TOP1MT: variants seen among roughly 807,000 people sequenced by gnomAD.
TOP1MT encodes the protein DNA topoisomerase I, mitochondrial.
Under a neutral mutation model 73.9 loss-of-function variants are expected in TOP1MT, and 80 were observed. The observed-to-expected ratio is 1.08, with a 90% CI of 0.90 to 1.30. TOP1MT has a LOEUF of 1.30. TOP1MT is among the 50% of genes most tolerant of loss of function. The probability of loss-of-function intolerance (pLI) is 0.00; values close to 1 mark genes in which losing one functional copy is unlikely to be tolerated. For synonymous variants in TOP1MT, 338 were observed against 326.4 expected (o/e 1.04, Z -0.38); for missense variants, 815 against 808.0 (o/e 1.01, Z -0.10).
intron 1 of TOP1MT, among the ~76,000 whole-genome samples, chr8:143,350,526 T>C (rs1817303047): frequency 6.6e-6 from 1 of 152,184 alleles, no homozygotes; most frequent in Non-Finnish European, 1.5e-5. Context: ...GAGACGGGGT[T>C]TCGCCATGTT....
At chr8:143,320,948 G>A (rs998721114) in intron 8 of TOP1MT, among the ~76,000 whole-genome samples, 3 of 152,188 alleles carry the variant, frequency 2.0e-5, no homozygotes, top group African/African-American at 7.2e-5. Flanking sequence ...CGGCCGGGGG[G>A]CAGGAGACGA....
chr8:143,321,226 T>A lies in TOP1MT; in HGVS notation c.1121A>T (p.Tyr374Phe), dbSNP rs1295861800. Residue 374 changes from tyrosine to phenylalanine, a missense_variant, in exon 8 of 14, where the codon TAC (tyrosine) becomes TTC (phenylalanine). Tyr to Phe is a conservative substitution (Grantham distance 22). Transcript: ENST00000329245. ...CGGCTTCTCCACCGGCACTCTGTTG[T>A]AGTAGCGGATGCAGTCCTTCCCCAG... ...DFLGKDCIRY[Y>F]NRVPVEKPVY... 1 of 1,609,154 alleles carries A rather than the reference T, an allele frequency of 6.2e-7. No homozygotes were observed. The highest frequency in any genetic ancestry group is 1.7e-5 in the Admixed American group (1 of 59,696).
chr8:143,326,934 C>A (rs929525861), intron 3 of TOP1MT, among the ~76,000 whole-genome samples: 13 of 152,182 alleles, frequency 8.5e-5, no homozygotes, highest in South Asian at 4.1e-4. Flanking sequence ...GGCCCAGTCC[C>A]TGCTTCTGAG....
upstream of TOP1MT, among the ~76,000 whole-genome samples, chr8:143,336,406 A>T (rs1259580250): frequency 6.6e-6 from 1 of 152,206 alleles, no homozygotes; most frequent in Non-Finnish European, 1.5e-5. Flanking sequence ...ACAGAATGGA[A>T]AACCCACTCA....
upstream of TOP1MT, among the ~76,000 whole-genome samples, chr8:143,347,346 A>G (rs554649886): frequency 7.0e-3 from 1,062 of 152,238 alleles, 10 homozygotes; most frequent in African/African-American, 0.021. Flanking sequence ...TAGTAGAGAC[A>G]GGGTTTCACC....
Position 143,324,480 on chromosome 8 carries a change from C to T in TOP1MT, c.816+5G>A, listed in dbSNP as rs200153277. The T allele has an allele frequency of 6.2e-7, 1 of 1,613,922 alleles. No homozygotes were observed. The highest frequency in any genetic ancestry group is 2.2e-5 in the East Asian group (1 of 44,884). On this transcript the variant is annotated splice_donor_5th_base_variant and intron_variant, in intron 6 of 13. Coordinates refer to ENST00000329245, the MANE Select transcript of TOP1MT (RefSeq NM_052963.3). ...AGGAAACACCCTGCCAAGCCCTGCG[C>T]TCACCTTCAGCTTCGAGCAAGGGTT...
chr8:143,324,348 G>C (rs1052158668), intron 6 of TOP1MT, 137 bp downstream of exon 6: 2 of 1,402,208 alleles, frequency 1.4e-6, no homozygotes, highest in Admixed American at 4.4e-5. Flanking sequence ...TGCTGGCACA[G>C]CATGACCTCA....
At chr8:143,329,979 G>A (rs552321382) in intron 2 of TOP1MT, among the ~76,000 whole-genome samples, 105 of 152,308 alleles carry the variant, frequency 6.9e-4, no homozygotes, top group Non-Finnish European at 1.3e-3. Context: ...AGAGTGAGAG[G>A]CTCGTGGTGG....
At chr8:143,330,466 C>T (rs1050083369) in intron 2 of TOP1MT, among the ~76,000 whole-genome samples, 6 of 151,942 alleles carry the variant, frequency 3.9e-5, no homozygotes, top group Admixed American at 2.6e-4. Flanking sequence ...GCTCCAGTAC[C>T]GCTTTGGAGA....
At chr8:143,353,080 A>G (rs1395687501) in intron 1 of TOP1MT, among the ~76,000 whole-genome samples, 2 of 152,152 alleles carry the variant, frequency 1.3e-5, no homozygotes, top group African/African-American at 4.8e-5. Context: ...TATACAAAAC[A>G]CTCTTACAAC....
chr8:143,319,749 C>T (rs1024609159), intron 8 of TOP1MT, among the ~76,000 whole-genome samples: 1 of 152,064 alleles, frequency 6.6e-6, no homozygotes, highest in Non-Finnish European at 1.5e-5. Flanking sequence ...AGAGGGCAGC[C>T]CCTCCCAGGT....
At chr8:143,323,246 CACAG>C (rs1303909546) in intron 7 of TOP1MT, among the ~76,000 whole-genome samples, 3 of 125,070 alleles carry the variant, frequency 2.4e-5, no homozygotes, top group African/African-American at 3.0e-5. Flanking sequence ...ACGCCACACA[CACAG>C]GCACGCCACA....
chr8:143,323,872 C>A, intron 7 of TOP1MT, 127 bp downstream of exon 7: 1 of 976,754 alleles, frequency 1.0e-6, no homozygotes, highest in Non-Finnish European at 1.5e-6. Flanking sequence ...CATGCACACA[C>A]CCCCCCCATC....
chr8:143,341,576 C>T lies in TOP1MT; in HGVS notation c.29+1644G>A, dbSNP rs977925170. The stretch of plus-strand genomic sequence containing the variant: ...CTGCCCTCCATGGGCCTAACAGATG[C>T]TTTTAACTCAGCTTTGGAAAATGGC... On this transcript the variant is annotated intron_variant, in intron 2 of 5. Transcript: ENST00000518007. This position sits in a 1 kb window ranked among gnomAD's most constrained non-coding sequence, Gnocchi z 4.1. 1.3e-5 allele frequency among the ~76,000 whole-genome samples: 2 copies of T among 152,260 alleles called. No homozygotes were observed. The highest frequency in any genetic ancestry group is 2.9e-5 in the Non-Finnish European group (2 of 68,048).
chr8:143,323,190 CGCATGCCACACACAGGCACGCCACACAG>C lies in TOP1MT; in HGVS notation c.960+781_960+808del, dbSNP rs1563760944. Among the ~76,000 whole-genome samples, 97 of 122,832 alleles carry C rather than the reference CGCATGCCACACACAGGCACGCCACACAG, an allele frequency of 7.9e-4. 1 individual carries two copies. Among genetic ancestry groups the C allele is most frequent in the African/African-American group, 3.0e-3 (92 of 30,614 alleles). The allele number at this position is 122,832 out of a possible 152,430, so 80.6% of individuals were successfully genotyped here. A position where few individuals can be genotyped will look rare whatever the true frequency, so the allele number is the denominator to read the frequency against. On this transcript the variant is annotated intron_variant, in intron 7 of 13. Transcript: ENST00000329245. ...GCCACACACACAGGCACGCCACACA[CGCATGCCACACACAGGCACGCCACACAG>C]GCACGCCACACACAGGCACGCCACA... is the stretch of plus-strand genomic sequence containing the variant.
chr8:143,330,937 G>A (rs1037635010), intron 2 of TOP1MT, among the ~76,000 whole-genome samples: 4 of 142,990 alleles, frequency 2.8e-5, no homozygotes, highest in South Asian at 2.5e-4. Context: ...ACAGTGGTGC[G>A]GGGGGAGGGA....
At chr8:143,340,464 C>T (rs532857844) in intron 2 of TOP1MT, among the ~76,000 whole-genome samples, 17 of 152,216 alleles carry the variant, frequency 1.1e-4, no homozygotes, top group African/African-American at 3.6e-4. Context: ...GCTTAGCTGC[C>T]TCCTGGCCAT....
chr8:143,323,756 C>CA (rs1554620730), intron 7 of TOP1MT, among the ~76,000 whole-genome samples: 1,389 of 109,364 alleles, frequency 0.013, 167 homozygotes, highest in Non-Finnish European at 0.02. Context: ...CATGCACGCC[C>CA]CACACAGACA....
intron 10 of TOP1MT, among the ~76,000 whole-genome samples, chr8:143,316,992 C>T (rs1816181840): frequency 6.6e-6 from 1 of 152,240 alleles, no homozygotes; most frequent in African/African-American, 2.4e-5. Flanking sequence ...GCCCCAGCTC[C>T]AAGGTTGTCC....
Sources: allele counts gnomAD v4.1 joint callset (sites outside exome capture counted in the v4.1 genomes callset), GRCh38; gene constraint gnomAD v4.1.1; non-coding constraint Gnocchi (gnomAD v3.1); transcripts MANE v1.5; gene names NCBI Gene and HGNC (gene_info 2026-07-23, HGNC 2026-07-21).